The following SLC16A7 variants were observed in gnomAD, a reference collection of about 807,000 sequenced individuals.
SLC16A7 encodes solute carrier family 16 member 7.
A neutral mutation model predicts 34.9 loss-of-function variants in SLC16A7; 33 were observed. The ratio of observed to expected loss-of-function variants is 0.94; its 90% confidence interval spans 0.72 to 1.26. The LOEUF is 1.26. Among genes scored for constraint, SLC16A7 ranks in the 50% most tolerant of loss-of-function variants. The pLI is 0.00. For missense variants in SLC16A7, 573 were observed against 578.1 expected (o/e 0.99, Z 0.09); for synonymous variants, 201 against 206.6 (o/e 0.97, Z 0.23).
chr12:59,724,384 ATAAAT>A (rs1875986320), intron 3 of SLC16A7, among the ~76,000 whole-genome samples: 1 of 152,086 alleles, frequency 6.6e-6, no homozygotes, highest in African/African-American at 2.4e-5. Context: ...AAAGAAGAAA[ATAAAT>A]TAGTCTGTAG....
At chr12:59,737,511 A>T (rs1046854436) in intron 3 of SLC16A7, among the ~76,000 whole-genome samples, 3 of 152,214 alleles carry the variant, frequency 2.0e-5, no homozygotes, top group Non-Finnish European at 4.4e-5. Flanking sequence ...CCTCTTAGGC[A>T]TTTGATTACT....
At chr12:59,655,833 G>A (rs1363043022) in intron 2 of SLC16A7, among the ~76,000 whole-genome samples, 1 of 151,862 alleles carries the variant, frequency 6.6e-6, no homozygotes. Flanking sequence ...AATCCTCGCT[G>A]TGCAGATGAG....
intron 2 of SLC16A7, among the ~76,000 whole-genome samples, chr12:59,675,295 C>G (rs1203692886): frequency 6.6e-6 from 1 of 152,140 alleles, no homozygotes; most frequent in Non-Finnish European, 1.5e-5. Flanking sequence ...GGAGATGGTG[C>G]CTTTGGGAGG....
At chr12:59,605,413 A>G (rs1227472674) in intron 1 of SLC16A7, among the ~76,000 whole-genome samples, 2 of 152,218 alleles carry the variant, frequency 1.3e-5, no homozygotes, top group Admixed American at 6.5e-5. Context: ...CAAGACTCCC[A>G]TGGAAGCCCT....
At chr12:59,651,091 G>C (rs1024245283) in intron 1 of SLC16A7, among the ~76,000 whole-genome samples, 8 of 152,048 alleles carry the variant, frequency 5.3e-5, no homozygotes, top group African/African-American at 1.9e-4. Context: ...AGACAAGCTC[G>C]GTACAATTTG....
In SLC16A7 at chr12:59,616,111, T is replaced by C. The variant is rs138759817; in HGVS notation, c.-130+19875T>C. Among the ~76,000 whole-genome samples, 401 of 152,348 alleles carry C rather than the reference T, an allele frequency of 2.6e-3. 1 individual carries two copies. Among genetic ancestry groups the C allele is most frequent in the Middle Eastern group, 6.8e-3 (2 of 294 alleles). Reference sequence around the variant, plus strand: ...AGCATGATGCCTGAGGTAACTGGCTTGTTGCTTTACCACCTTGGGCCTGTA... The same window carrying C: ...AGCATGATGCCTGAGGTAACTGGCTCGTTGCTTTACCACCTTGGGCCTGTA... On this transcript the variant is annotated intron_variant, in intron 1 of 5. Coordinates refer to ENST00000547379, the MANE Select transcript of SLC16A7 (RefSeq NM_001270623.2).
chr12:59,606,176 T>C (rs1354517918), intron 1 of SLC16A7, among the ~76,000 whole-genome samples: 1 of 152,162 alleles, frequency 6.6e-6, no homozygotes, highest in African/African-American at 2.4e-5. Context: ...ATTAAAATAA[T>C]GTGGATCTTT....
At chr12:59,633,018 C>T (rs919989115) in intron 1 of SLC16A7, among the ~76,000 whole-genome samples, 8 of 151,940 alleles carry the variant, frequency 5.3e-5, no homozygotes, top group African/African-American at 1.7e-4. Context: ...TACCCGACTT[C>T]CAGGCCTTGG....
intron 1 of SLC16A7, among the ~76,000 whole-genome samples, chr12:59,648,901 T>C (rs1462652448): frequency 6.6e-6 from 1 of 152,172 alleles, no homozygotes; most frequent in Non-Finnish European, 1.5e-5. Flanking sequence ...TAGGTATTGA[T>C]TATCAATATT....
chr12:59,656,819 T>C (rs2137024971), intron 2 of SLC16A7, among the ~76,000 whole-genome samples: 1 of 152,116 alleles, frequency 6.6e-6, no homozygotes. Flanking sequence ...TAATATGTCA[T>C]ATGGTTCCTT....
At chr12:59,736,107 G>A (rs1877561253) in intron 3 of SLC16A7, 1 of 188,020 alleles carries the variant, frequency 5.3e-6, no homozygotes. Context: ...GAGAATAAAA[G>A]GTATCAGAGG....
intron 4 of SLC16A7, 151 bp from the exon 5 acceptor site, chr12:59,774,506 C>T: frequency 4.1e-6 from 2 of 493,128 alleles, no homozygotes; most frequent in Non-Finnish European, 7.2e-6. Flanking sequence ...TTGTTTTGTG[C>T]AATTACATTT....
At chr12:59,689,407 A>G (rs867895292) in intron 2 of SLC16A7, 49 of 152,042 alleles carry the variant, frequency 3.2e-4, no homozygotes, top group African/African-American at 1.1e-3. Context: ...AGAGGAGTCC[A>G]TAGATCAGGG....
At chr12:59,611,267 AG>A (rs376906689) in intron 1 of SLC16A7, among the ~76,000 whole-genome samples, 12 of 152,310 alleles carry the variant, frequency 7.9e-5, no homozygotes, top group African/African-American at 2.9e-4. Context: ...TCATGGTAGA[AG>A]GGGGAAGCAA....
intron 2 of SLC16A7, 42 bp from the exon 3 acceptor site, chr12:59,704,730 G>T: frequency 9.8e-7 from 1 of 1,017,182 alleles, no homozygotes; most frequent in Admixed American, 2.2e-5. Flanking sequence ...TAAACAAAAG[G>T]GGAAATAAAA....
chr12:59,650,269 G>T (rs568266292), intron 1 of SLC16A7, among the ~76,000 whole-genome samples: 141 of 152,054 alleles, frequency 9.3e-4, no homozygotes, highest in African/African-American at 3.3e-3. Context: ...AAGGAGATAT[G>T]GTATTATGAA....
At chr12:59,746,987 C>T (rs910755348) in intron 3 of SLC16A7, among the ~76,000 whole-genome samples, 3 of 151,996 alleles carry the variant, frequency 2.0e-5, no homozygotes, top group Non-Finnish European at 4.4e-5. Flanking sequence ...TGTGCACCCC[C>T]ATGCCTGTCT....
At chr12:59,728,443 T>A (rs1172247102) in intron 3 of SLC16A7, among the ~76,000 whole-genome samples, 1 of 152,224 alleles carries the variant, frequency 6.6e-6, no homozygotes, top group Non-Finnish European at 1.5e-5. Context: ...ATGATCAATA[T>A]GAGTTTGCCC....
intron 1 of SLC16A7, among the ~76,000 whole-genome samples, chr12:59,609,086 A>G (rs188114666): frequency 6.6e-6 from 1 of 152,250 alleles, no homozygotes; most frequent in Non-Finnish European, 1.5e-5. Context: ...GAGAAAAGGC[A>G]TACAATTTAT....
Sources: allele counts gnomAD v4.1 joint callset (sites outside exome capture counted in the v4.1 genomes callset), GRCh38; gene constraint gnomAD v4.1.1; transcripts MANE v1.5; gene names NCBI Gene and HGNC (gene_info 2026-07-23, HGNC 2026-07-21).